The following SLC9A7 variants were observed in gnomAD, a reference collection of about 807,000 sequenced individuals.
The protein encoded by SLC9A7 is sodium/hydrogen exchanger 7.
Under a neutral mutation model 52.6 loss-of-function variants are expected in SLC9A7, and 19 were observed. The ratio of observed to expected loss-of-function variants is 0.36; its 90% CI spans 0.25 to 0.53. SLC9A7 has a LOEUF of 0.53. Ranked by LOEUF, SLC9A7 falls within the 20% of genes least tolerant of loss-of-function variation. SLC9A7 has a pLI of 0.91. For synonymous variants in SLC9A7, 226 were observed against 252.1 expected (o/e 0.90, Z 0.98); for missense variants, 455 against 597.9 (o/e 0.76, Z 2.49).
rs1569494137 is a variant in SLC9A7, at chrX:46,599,728, G to A, written c.*7224C>T. 9.0e-6 allele frequency: 1 copy of A among 111,390 alleles called. No individual in the cohort carries two copies. Among genetic ancestry groups the A allele is most frequent in the East Asian group, 2.8e-4 (1 of 3,585 alleles). The allele number at this position is 111,390 out of a possible 1,213,427, so 9.2% of individuals were successfully genotyped here. On this transcript the variant is annotated 3_prime_UTR_variant, in exon 17 of 17. Transcript: ENST00000616978. ...TAATTTTTCACAGTTATACTTTAAT[G>A]TCATTTTATATAACGTTTATTTATA...
In SLC9A7 at chrX:46,625,548, G is replaced by C. The variant is rs866899727; in HGVS notation, c.1741-4489C>G. On this transcript the variant is annotated intron_variant, in intron 14 of 16. Transcript: ENST00000616978. ...ATCATGGCGAAACCCGGTCTCTACT[G>C]AAAATACAAAAATTAGCTGGGTGTG... Among the ~76,000 whole-genome samples, 14 of 109,946 alleles carry C rather than the reference G, an allele frequency of 1.3e-4. No homozygotes were observed. The East Asian group carries it at 3.4e-3, about 27-fold the overall frequency.
chrX:46,736,272 C>T (rs1945120631), intron 1 of SLC9A7, among the ~76,000 whole-genome samples: 1 of 112,050 alleles, frequency 8.9e-6, no homozygotes, highest in East Asian at 2.8e-4. Flanking sequence ...TTGTTTCTAG[C>T]ATTTGAATTT....
chrX:46,613,119 G>C (rs1942885796), intron 16 of SLC9A7, among the ~76,000 whole-genome samples, 170 bp downstream of exon 16: 1 of 110,261 alleles, frequency 9.1e-6, no homozygotes, highest in African/African-American at 3.3e-5. Flanking sequence ...AGCTTTCTCT[G>C]TTACTATGCG....
rs144552230 is a variant in SLC9A7 at position 46,754,925 on chromosome X, A to C, written c.325+3780T>G. Among the ~76,000 whole-genome samples, 16 of 112,531 alleles carry C rather than the reference A, an allele frequency of 1.4e-4. No homozygotes were observed. In the East Asian group the frequency reaches 4.2e-3, roughly 29 times the overall value. ...GCCCAGTAACTTTAGGATGGCACTT[A>C]ATCACATAACAGAGACAGACAGCTG... On this transcript the variant is annotated intron_variant, in intron 1 of 16. Transcript: ENST00000616978.
intron 1 of SLC9A7, among the ~76,000 whole-genome samples, chrX:46,710,073 G>A (rs757336950): frequency 8.9e-6 from 1 of 112,345 alleles, no homozygotes; most frequent in African/African-American, 3.2e-5. Context: ...ACTATCATAT[G>A]TATTATCTTG....
intron 1 of SLC9A7, among the ~76,000 whole-genome samples, chrX:46,755,985 T>C (rs1170814235): frequency 9.1e-6 from 1 of 109,297 alleles, no homozygotes; most frequent in Non-Finnish European, 1.9e-5. Flanking sequence ...TTTACGACTA[T>C]ACCAACAAAT....
intron 1 of SLC9A7, among the ~76,000 whole-genome samples, chrX:46,736,391 A>G (rs1945122874): frequency 8.9e-6 from 1 of 112,200 alleles, no homozygotes; most frequent in East Asian, 2.8e-4. Flanking sequence ...GTTTAAAAAA[A>G]AATTCTCTGA....
At chrX:46,752,021 T>C (rs1469954538) in intron 1 of SLC9A7, among the ~76,000 whole-genome samples, 1 of 111,736 alleles carries the variant, frequency 8.9e-6, no homozygotes, top group East Asian at 2.8e-4. Context: ...TTCCAATCTT[T>C]CATCTTAATG....
chrX:46,719,746 G>A (rs1254523164), intron 1 of SLC9A7, among the ~76,000 whole-genome samples: 2 of 111,002 alleles, frequency 1.8e-5, no homozygotes, highest in Admixed American at 1.9e-4. Flanking sequence ...TGGAAATTAG[G>A]GGGAGGGGGC....
In SLC9A7 at chrX:46,602,532, GA is replaced by G. The variant is rs1942676596; in HGVS notation, c.*4419del. ...GGTCCCACCTGAAGCTACTGAATCT[GA>G]ATCTCTGAGGGGAGGGCCCTTGCAC... On this transcript the variant is annotated 3_prime_UTR_variant, in exon 17 of 17. Coordinates refer to ENST00000616978, the MANE Select transcript of SLC9A7 (RefSeq NM_001257291.2). The G allele has an allele frequency of 8.9e-6, 1 of 111,960 alleles. No homozygotes were observed. 9.2% of individuals were successfully genotyped at this position (111,960 alleles called of 1,213,427 possible). A position where few individuals can be genotyped will look rare whatever the true frequency, so the allele number is the denominator to read the frequency against.
At chrX:46,656,313 G>A (rs1380020937) in intron 7 of SLC9A7, among the ~76,000 whole-genome samples, 3 of 112,118 alleles carry the variant, frequency 2.7e-5, no homozygotes, top group East Asian at 2.8e-4. Context: ...AAAGCAGAGC[G>A]CCTCTCCTCC....
intron 5 of SLC9A7, among the ~76,000 whole-genome samples, chrX:46,667,247 G>T (rs1943936593): frequency 9.0e-6 from 1 of 111,539 alleles, no homozygotes; most frequent in East Asian, 2.8e-4. Flanking sequence ...TCAGTGATTG[G>T]TAGGGCTAGA....
intron 1 of SLC9A7, among the ~76,000 whole-genome samples, chrX:46,755,912 T>A (rs1228882633): frequency 5.6e-5 from 6 of 107,188 alleles, no homozygotes; most frequent in African/African-American, 2.0e-4. Context: ...TTCACAGCCA[T>A]CTAGTTCCTC....
chrX:46,709,471 A>G (rs1349601196), intron 1 of SLC9A7, among the ~76,000 whole-genome samples: 1 of 111,633 alleles, frequency 9.0e-6, no homozygotes, highest in Non-Finnish European at 1.9e-5. Context: ...TACATAATAC[A>G]ACAGGCAGCT....
chrX:46,726,591 A>G, intron 1 of SLC9A7, among the ~76,000 whole-genome samples: 1 of 111,744 alleles, frequency 8.9e-6, no homozygotes, highest in African/African-American at 3.3e-5. Flanking sequence ...TGTAATGCTA[A>G]CCTTCCATTT....
rs140617744 is a variant in SLC9A7, at chrX:46,607,140, T to C, written c.1993A>G (p.Thr665Ala). The C allele has an allele frequency of 4.1e-6, 5 of 1,209,018 alleles. No individual in the cohort carries two copies. In the African/African-American group the frequency reaches 8.8e-5, roughly 21 times the overall value. The stretch of plus-strand genomic sequence containing the variant: ...GCAGTCACTGTGCTGTCCCCGTAGG[T>C]CAATGTCAGGTCGCCTTCGGTCAGG... The part of the protein sequence containing the change: ...FILTEGDLTL[T>A]YGDSTVTANG... Residue 665 changes from threonine to alanine, a missense_variant, in exon 17 of 17, where the codon ACC (threonine) becomes GCC (alanine). Coordinates refer to ENST00000616978, the MANE Select transcript of SLC9A7 (RefSeq NM_001257291.2).
intron 10 of SLC9A7, among the ~76,000 whole-genome samples, chrX:46,650,872 C>A (rs183828987): frequency 1.8e-5 from 2 of 111,408 alleles, no homozygotes; most frequent in Admixed American, 1.9e-4. Flanking sequence ...TCCTTTAAAT[C>A]AAATACATTT....
Position 46,758,965 on chromosome X carries a change from A to AGCCGCGGCGGCGGC in SLC9A7, c.51_64dup (p.Leu22ArgfsTer56). On this transcript the variant is annotated frameshift_variant, in exon 1 of 17. Coordinates refer to ENST00000616978, the MANE Select transcript of SLC9A7 (RefSeq NM_001257291.2). LOFTEE classifies it high-confidence loss of function. ...ACCCAGCAGCAGCGGCAGCAGCAGC[A>AGCCGCGGCGGCGGC]GCCGCGGCGGCGGCGCCCCGGTAGC... 1 of 1,052,224 alleles carries AGCCGCGGCGGCGGC rather than the reference A, an allele frequency of 9.5e-7. No homozygotes were observed. The highest frequency in any genetic ancestry group is 4.2e-5 in the Admixed American group (1 of 23,582). The allele number at this position is 1,052,224 out of a possible 1,213,427, so 86.7% of individuals were successfully genotyped here.
At chrX:46,640,691 GAAAC>G (rs1405057496) in intron 12 of SLC9A7, among the ~76,000 whole-genome samples, 3 of 112,132 alleles carry the variant, frequency 2.7e-5, no homozygotes, top group African/African-American at 9.7e-5. Context: ...ACTCAACAAA[GAAAC>G]AAACAATCCA....
Sources: gnomAD v4.1 joint callset for allele counts (sites outside exome capture counted in the v4.1 genomes callset) on GRCh38, gnomAD v4.1.1 for gene constraint, MANE v1.5 for transcripts, NCBI Gene and HGNC (gene_info 2026-07-23, HGNC 2026-07-21) for gene names.